The following CSMD1 variants were observed in gnomAD, a reference collection of about 807,000 sequenced individuals.
The protein encoded by CSMD1 is CUB and Sushi multiple domains 1, also known as CUB and sushi domain-containing protein 1.
CSMD1 carries 213 observed loss-of-function variants against 417.5 expected under a neutral mutation model. The ratio of observed to expected loss-of-function variants is 0.51; its 90% CI spans 0.46 to 0.57. The LOEUF (loss-of-function observed/expected upper bound fraction) is 0.57, where lower values mean the gene tolerates loss of function less well. Ranked by LOEUF, CSMD1 falls within the 20% of genes least tolerant of loss-of-function variation. CSMD1 has a pLI of 0.00. For missense variants in CSMD1, 6,923 were observed against 4,529.7 expected (o/e 1.53, Z -15.17); for synonymous variants, 2,862 against 1,736.8 (o/e 1.65, Z -16.11).
intron 3 of CSMD1, among the ~76,000 whole-genome samples, chr8:4,241,141 G>A (rs1467268672): frequency 6.6e-6 from 1 of 152,012 alleles, no homozygotes; most frequent in East Asian, 1.9e-4. Flanking sequence ...TTCACTGATG[G>A]CCCTACAGCT....
chr8:4,050,924 C>T lies in CSMD1; in HGVS notation c.416-18825G>A, dbSNP rs73496782. On this transcript the variant is annotated intron_variant, in intron 3 of 69. Transcript: ENST00000635120. ...ACCTTTACGTGAGTCTTGAAGTGAC[C>T]TATATTCCCATCCATGATAAGGTCT... Among the ~76,000 whole-genome samples, 1,255 of 152,036 alleles carry T rather than the reference C, an allele frequency of 8.3e-3. 21 individuals are homozygous for T. Among genetic ancestry groups the T allele is most frequent in the African/African-American group, 0.029 (1,196 of 41,486 alleles).
chr8:3,392,305 A>G (rs1227418504), intron 17 of CSMD1, among the ~76,000 whole-genome samples: 1 of 150,918 alleles, frequency 6.6e-6, no homozygotes, highest in Admixed American at 6.7e-5. Context: ...TTGAAAAAAA[A>G]TAATAATTCT....
chr8:3,153,947 A>G (rs550386542), intron 39 of CSMD1, among the ~76,000 whole-genome samples: 1 of 152,246 alleles, frequency 6.6e-6, no homozygotes, highest in East Asian at 1.9e-4. Context: ...CTCCCAAAAG[A>G]CGCATATCCA....
intron 5 of CSMD1, among the ~76,000 whole-genome samples, chr8:3,968,141 C>G (rs1004143517): frequency 9.2e-5 from 14 of 151,694 alleles, no homozygotes; most frequent in African/African-American, 3.4e-4. Flanking sequence ...GAGCCGAGAT[C>G]GACCCACTGC....
At chr8:4,972,414 C>T (rs1384076798) in intron 1 of CSMD1, among the ~76,000 whole-genome samples, 1 of 152,138 alleles carries the variant, frequency 6.6e-6, no homozygotes, top group Non-Finnish European at 1.5e-5. Context: ...CAAGTGAATT[C>T]TCATGAGATT....
chr8:3,192,842 G>C (rs1796501629), intron 33 of CSMD1, among the ~76,000 whole-genome samples: 1 of 152,022 alleles, frequency 6.6e-6, no homozygotes, highest in South Asian at 2.1e-4. Flanking sequence ...ATTCAGATTA[G>C]GGATGCTCAA....
chr8:3,249,918 CATGAA>C (rs1800145615), intron 26 of CSMD1, among the ~76,000 whole-genome samples: 1 of 152,048 alleles, frequency 6.6e-6, no homozygotes, highest in Non-Finnish European at 1.5e-5. Flanking sequence ...AAATTATAGA[CATGAA>C]ATAAATGTCA....
rs181519482 is a variant in CSMD1, at chr8:4,027,156, T to C, written c.610+4749A>G. Among the ~76,000 whole-genome samples, 339 of 152,304 alleles carry C rather than the reference T, an allele frequency of 2.2e-3. 1 individual carries two copies. Among genetic ancestry groups the C allele is most frequent in the African/African-American group, 7.7e-3 (322 of 41,568 alleles). ...TGTTGGGTACACTACCAGGTGGAAT[T>C]GCACCATTTAGTTACGACGAGGTAA... is the stretch of plus-strand genomic sequence containing the variant. On this transcript the variant is annotated intron_variant, in intron 4 of 69. Coordinates refer to ENST00000635120, the MANE Select transcript of CSMD1 (RefSeq NM_033225.6).
At chr8:4,567,301 C>A (rs939949281) in intron 2 of CSMD1, among the ~76,000 whole-genome samples, 1 of 151,966 alleles carries the variant, frequency 6.6e-6, no homozygotes, top group South Asian at 2.1e-4. Context: ...CTTGTAAAAC[C>A]CAATAATGTT....
chr8:3,410,740 A>G (rs1020260095), intron 12 of CSMD1, among the ~76,000 whole-genome samples: 1 of 152,160 alleles, frequency 6.6e-6, no homozygotes, highest in Admixed American at 6.5e-5. Context: ...AAAATTTTTT[A>G]AAATTATTAT....
chr8:4,046,630 T>TC (rs762858127), intron 3 of CSMD1, among the ~76,000 whole-genome samples: 15,999 of 152,094 alleles, frequency 0.11, 249 homozygotes, highest in East Asian at 0.3. Context: ...AATTCCATCA[T>TC]AACAAACAAC....
intron 1 of CSMD1, among the ~76,000 whole-genome samples, chr8:4,835,078 C>A (rs1800396033): frequency 6.7e-6 from 1 of 149,850 alleles, no homozygotes; most frequent in Admixed American, 6.7e-5. Context: ...AGCGTTTCTT[C>A]ACTGCCCTAT....
intron 3 of CSMD1, among the ~76,000 whole-genome samples, chr8:4,237,684 T>C (rs1802150429): frequency 6.6e-6 from 1 of 152,064 alleles, no homozygotes; most frequent in East Asian, 1.9e-4. Context: ...CCCAGCTAAT[T>C]TTACTTTTTG....
intron 3 of CSMD1, among the ~76,000 whole-genome samples, chr8:4,292,997 G>C (rs563676111): frequency 3.3e-5 from 5 of 152,310 alleles, no homozygotes; most frequent in Admixed American, 2.6e-4. Context: ...TTTTCTTCAG[G>C]TGCAGAGGGG....
intron 3 of CSMD1, among the ~76,000 whole-genome samples, chr8:4,389,385 T>C (rs1217493654): frequency 1.3e-5 from 2 of 152,138 alleles, no homozygotes; most frequent in African/African-American, 4.8e-5. Context: ...TTACTATTAA[T>C]GAGGTCCCCA....
At chr8:4,745,999 A>G (rs1300814543) in intron 1 of CSMD1, among the ~76,000 whole-genome samples, 1 of 152,216 alleles carries the variant, frequency 6.6e-6, no homozygotes, top group Non-Finnish European at 1.5e-5. Flanking sequence ...TATGGTTTAG[A>G]AAAAGAAAAT....
intron 3 of CSMD1, among the ~76,000 whole-genome samples, chr8:4,106,037 G>T (rs1258138053): frequency 6.6e-6 from 1 of 152,232 alleles, no homozygotes; most frequent in African/African-American, 2.4e-5. Context: ...ACTGCATCAA[G>T]GTAGGCCAGA....
intron 5 of CSMD1, among the ~76,000 whole-genome samples, chr8:3,925,724 A>G (rs944547559): frequency 3.3e-5 from 5 of 152,036 alleles, no homozygotes; most frequent in African/African-American, 7.2e-5. Context: ...ACCTCCCGCC[A>G]TGATTCTGAG....
At chr8:4,219,514 C>T (rs572464335) in intron 3 of CSMD1, among the ~76,000 whole-genome samples, 2 of 151,936 alleles carry the variant, frequency 1.3e-5, no homozygotes, top group Non-Finnish European at 2.9e-5. Context: ...CAACATTTCT[C>T]GTGAACACCG....
Sources: allele counts gnomAD v4.1 joint callset (sites outside exome capture counted in the v4.1 genomes callset), GRCh38; gene constraint gnomAD v4.1.1; transcripts MANE v1.5; gene names NCBI Gene and HGNC (gene_info 2026-07-23, HGNC 2026-07-21).